The following ATP2C1 variants were observed in gnomAD, a reference collection of about 807,000 sequenced individuals.
The protein encoded by ATP2C1 is calcium-transporting ATPase type 2C member 1.
ATP2C1 carries 31 observed loss-of-function variants against 120.5 expected under a neutral mutation model. The ratio of observed to expected loss-of-function variants is 0.26; its 90% CI spans 0.19 to 0.35. ATP2C1 has a LOEUF of 0.35. Among genes scored for constraint, ATP2C1 ranks in the 10% least tolerant of loss-of-function variants. The pLI is 1.00. For synonymous variants in ATP2C1, 351 were observed against 358.7 expected (o/e 0.98, Z 0.24); for missense variants, 731 against 1,107.5 (o/e 0.66, Z 4.83).
chr3:130,973,533 G>A (rs1239190469), intron 17 of ATP2C1, among the ~76,000 whole-genome samples: 3 of 152,126 alleles, frequency 2.0e-5, no homozygotes, highest in African/African-American at 7.2e-5. Flanking sequence ...TGGCTACTAA[G>A]TGATTAATGG....
rs1157956407 is a variant in ATP2C1, at chr3:130,902,284, G to GTTTTTT, written c.6+7516_6+7521dup. On this transcript the variant is annotated intron_variant, in intron 2 of 27. Transcript: ENST00000510168. ...TTAACTGCTAATTTCAAGGCTTCAC[G>GTTTTTT]TTTTTTTTTTTTGTTTTTTTTTTTT... Among the ~76,000 whole-genome samples the GTTTTTT allele has an allele frequency of 3.5e-4, 23 of 65,506 alleles. 4 individuals are homozygous for GTTTTTT. The highest frequency in any genetic ancestry group is 7.9e-4 in the African/African-American group (14 of 17,734). 43.0% of individuals were successfully genotyped at this position (65,506 alleles called of 152,430 possible).
At chr3:130,869,586 C>G (rs928681045) in intron 1 of ATP2C1, among the ~76,000 whole-genome samples, 3 of 152,140 alleles carry the variant, frequency 2.0e-5, no homozygotes, top group Non-Finnish European at 4.4e-5. Flanking sequence ...AAGTGCTACT[C>G]CAGTGAACAC....
At chr3:130,894,014 C>T (rs915019928), upstream of ATP2C1, 21 of 986,296 alleles carry the variant, frequency 2.1e-5, no homozygotes, top group Non-Finnish European at 2.5e-5. This position sits in a 1 kb window ranked among gnomAD's most constrained non-coding sequence, Gnocchi z 4.5. Flanking sequence ...GCGGCTGGCC[C>T]AGGAGTGCGG....
intron 2 of ATP2C1, among the ~76,000 whole-genome samples, chr3:130,918,032 A>T (rs781006151): frequency 1.3e-5 from 2 of 152,176 alleles, no homozygotes; most frequent in Non-Finnish European, 2.9e-5. Flanking sequence ...TTCCCAAAAA[A>T]TGCTGGCGAA....
intron 1 of ATP2C1, among the ~76,000 whole-genome samples, chr3:130,867,790 C>T (rs1328320913): frequency 1.0e-5 from 1 of 95,400 alleles, no homozygotes; most frequent in African/African-American, 3.9e-5. Context: ...CCTGGCTGCC[C>T]AGTCTGGAAA....
intron 20 of ATP2C1, among the ~76,000 whole-genome samples, chr3:130,990,042 A>G (rs1271952327): frequency 6.6e-6 from 1 of 152,188 alleles, no homozygotes; most frequent in Non-Finnish European, 1.5e-5. Flanking sequence ...CAGTAGTGTG[A>G]TATTACAGTG....
intron 2 of ATP2C1, among the ~76,000 whole-genome samples, chr3:130,927,396 A>G (rs1329893296): frequency 6.6e-6 from 1 of 151,882 alleles, no homozygotes; most frequent in African/African-American, 2.4e-5. Context: ...GCCTGCCACC[A>G]TGCCTGGCTA....
chr3:130,972,204 G>A (rs2760269), intron 17 of ATP2C1, among the ~76,000 whole-genome samples: 24,860 of 152,128 alleles, frequency 0.16, 2,197 homozygotes, highest in Middle Eastern at 0.24. Context: ...TGACCTGACA[G>A]GAGATTGAGC....
At chr3:131,007,876 T>C (rs2063175894), downstream of ATP2C1, among the ~76,000 whole-genome samples, 1 of 152,246 alleles carries the variant, frequency 6.6e-6, no homozygotes, top group African/African-American at 2.4e-5. Flanking sequence ...GTATGTCTGA[T>C]AGGAAAGACA....
At chr3:130,871,978 T>C (rs1349313275) in intron 1 of ATP2C1, among the ~76,000 whole-genome samples, 1 of 145,224 alleles carries the variant, frequency 6.9e-6, no homozygotes, top group Non-Finnish European at 1.5e-5. Flanking sequence ...GCGGAGATCA[T>C]GCCACTGCAT....
At chr3:131,007,435 A>G (rs1022422958), downstream of ATP2C1, among the ~76,000 whole-genome samples, 1 of 152,190 alleles carries the variant, frequency 6.6e-6, no homozygotes, top group African/African-American at 2.4e-5. Flanking sequence ...TATTTAACCC[A>G]AGGGTGCCCC....
At chr3:130,941,455 A>C (rs951914503) in intron 7 of ATP2C1, 136 bp from the exon 8 acceptor site, 1 of 697,912 alleles carries the variant, frequency 1.4e-6, no homozygotes, top group African/African-American at 1.8e-5. Context: ...TTGGCATCTT[A>C]AGTGTTTAGA....
intron 8 of ATP2C1, among the ~76,000 whole-genome samples, chr3:130,947,025 C>T (rs2060181339): frequency 6.6e-6 from 1 of 152,210 alleles, no homozygotes; most frequent in African/African-American, 2.4e-5. Context: ...TGATATGTGT[C>T]TGCTCATGAA....
At chr3:130,981,274 C>T (rs2061751659) in intron 20 of ATP2C1, among the ~76,000 whole-genome samples, 1 of 152,120 alleles carries the variant, frequency 6.6e-6, no homozygotes, top group South Asian at 2.1e-4. Context: ...TTCTAGAATG[C>T]ACTAAAAATT....
chr3:130,904,682 C>CAAT (rs932188419), intron 2 of ATP2C1, among the ~76,000 whole-genome samples: 5 of 151,936 alleles, frequency 3.3e-5, no homozygotes, highest in Non-Finnish European at 5.9e-5. Context: ...GCCAGTTTTG[C>CAAT]AATATCCTGT....
chr3:130,978,531 T>A (rs1416044478), intron 18 of ATP2C1, among the ~76,000 whole-genome samples: 1 of 152,190 alleles, frequency 6.6e-6, no homozygotes, highest in Non-Finnish European at 1.5e-5. Context: ...CTTTGTACTA[T>A]ATCTTACATG....
intron 17 of ATP2C1, among the ~76,000 whole-genome samples, chr3:130,970,727 T>A (rs892368477): frequency 6.6e-6 from 1 of 152,090 alleles, no homozygotes; most frequent in Admixed American, 6.5e-5. Context: ...TTGACAGGAA[T>A]GACTAGTTGG....
At chr3:130,911,240 G>C (rs1402417673) in intron 2 of ATP2C1, among the ~76,000 whole-genome samples, 2 of 143,042 alleles carry the variant, frequency 1.4e-5, no homozygotes, top group Non-Finnish European at 3.1e-5. Context: ...TTGCGTAGAG[G>C]TGTTTGTAGT....
At chr3:130,881,567 C>T (rs1407293778) in intron 1 of ATP2C1, among the ~76,000 whole-genome samples, 1 of 152,130 alleles carries the variant, frequency 6.6e-6, no homozygotes, top group Non-Finnish European at 1.5e-5. Context: ...CCATGTTTTC[C>T]ATGTTATTAC....
Sources: allele counts gnomAD v4.1 joint callset (sites outside exome capture counted in the v4.1 genomes callset), GRCh38; gene constraint gnomAD v4.1.1; non-coding constraint Gnocchi (gnomAD v3.1); transcripts MANE v1.5; gene names NCBI Gene and HGNC (gene_info 2026-07-23, HGNC 2026-07-21).